The following FAM178B variants were observed in gnomAD, a reference collection of about 807,000 sequenced individuals.
FAM178B encodes family with sequence similarity 178 member B, also known as protein FAM178B.
FAM178B carries 82 observed loss-of-function variants against 91.7 expected under a neutral mutation model. The ratio of observed to expected loss-of-function variants is 0.89; its 90% CI spans 0.75 to 1.07. The LOEUF (loss-of-function observed/expected upper bound fraction) is 1.07, where lower values mean the gene tolerates loss of function less well. FAM178B is among the 50% of genes least tolerant of loss of function. The probability of loss-of-function intolerance (pLI) is 0.00; values close to 1 mark genes in which losing one functional copy is unlikely to be tolerated. For synonymous variants in FAM178B, 368 were observed against 359.4 expected (o/e 1.02, Z -0.27); for missense variants, 769 against 846.7 (o/e 0.91, Z 1.14).
At chr2:96,978,498 A>G (rs541739612) in intron 1 of FAM178B, among the ~76,000 whole-genome samples, 4 of 152,242 alleles carry the variant, frequency 2.6e-5, no homozygotes, top group African/African-American at 9.6e-5. Flanking sequence ...CTGTACATCC[A>G]AGTACACCCA....
intron 8 of FAM178B, among the ~76,000 whole-genome samples, chr2:96,931,855 T>TG (rs2081545305): frequency 6.6e-6 from 1 of 151,134 alleles, no homozygotes; most frequent in African/African-American, 2.4e-5. Flanking sequence ...CTTGTTTGTT[T>TG]GTTTTTTTTT....
chr2:96,927,568 TG>T, intron 9 of FAM178B, among the ~76,000 whole-genome samples: 1 of 152,300 alleles, frequency 6.6e-6, no homozygotes, highest in East Asian at 1.9e-4. Flanking sequence ...CTGGGAAAGC[TG>T]AAGTCTGCGT....
rs1199881970 is a variant in FAM178B, at chr2:96,986,364, ACGG to A, written c.-54_-52del. 1 of 1,524,706 alleles carries A rather than the reference ACGG, an allele frequency of 6.6e-7. No individual in the cohort carries two copies. The highest frequency in any genetic ancestry group is 2.5e-5 in the East Asian group (1 of 40,552). The allele number at this position is 1,524,706 out of a possible 1,614,324, so 94.4% of individuals were successfully genotyped here. A position where few individuals can be genotyped will look rare whatever the true frequency, so the allele number is the denominator to read the frequency against. ...GTGAGGGAGGGTGGCGGGAATTCGC[ACGG>A]CCTCAGAGGACGGGGCCAGCTAGCC... is the stretch of plus-strand genomic sequence containing the variant. On this transcript the variant is annotated 5_prime_UTR_variant, in exon 1 of 17. Transcript: ENST00000490605.
At chr2:96,891,394 G>A (rs2080675467) in intron 14 of FAM178B, among the ~76,000 whole-genome samples, 1 of 152,236 alleles carries the variant, frequency 6.6e-6, no homozygotes, top group Non-Finnish European at 1.5e-5. Context: ...ACGATGCAGA[G>A]GCTGGTCAGA....
chr2:96,972,436 T>C (rs1049133989), intron 2 of FAM178B, 102 bp downstream of exon 2: 1 of 1,493,618 alleles, frequency 6.7e-7, no homozygotes, highest in African/African-American at 1.4e-5. Flanking sequence ...TTGGGGTTGC[T>C]GTGGGAAGGA....
Position 96,960,271 on chromosome 2 carries a change from C to T in FAM178B, c.887+17G>A. 6.4e-7 allele frequency: 1 copy of T among 1,551,370 alleles called. No homozygotes were observed. The highest frequency in any genetic ancestry group is 1.2e-5 in the South Asian group (1 of 84,032). ...GACAGGCTGCGCCACCCCCTCACCC[C>T]TCCTCCCCACACTTACCTGAGGAAC... On this transcript the variant is annotated intron_variant, in intron 6 of 16. Transcript: ENST00000490605.
At chr2:96,929,416 G>A in intron 8 of FAM178B, 96 bp from the exon 9 acceptor site, 1 of 874,008 alleles carries the variant, frequency 1.1e-6, no homozygotes, top group Non-Finnish European at 1.8e-6. Context: ...CCTGGCCCAA[G>A]ATAACCAGTT....
In FAM178B at chr2:96,947,805, TC is replaced by T. The variant is rs1341484414; in HGVS notation, c.1078+12del. ...TCAGTGCGCCAATCTCCACCCTGCA[TC>T]CCAGTACTGACCAGGCTGAAGGAAG... On this transcript the variant is annotated intron_variant, in intron 8 of 16. Coordinates refer to ENST00000490605, the MANE Select transcript of FAM178B (RefSeq NM_001122646.3). 1.3e-6 allele frequency: 2 copies of T among 1,490,518 alleles called. No homozygotes were observed. The highest frequency in any genetic ancestry group is 2.5e-5 in the East Asian group (1 of 40,618). The allele number at this position is 1,490,518 out of a possible 1,614,324, so 92.3% of individuals were successfully genotyped here. A position where few individuals can be genotyped will look rare whatever the true frequency, so the allele number is the denominator to read the frequency against.
chr2:96,906,009 T>TC (rs1280429743), intron 12 of FAM178B, among the ~76,000 whole-genome samples: 6 of 147,686 alleles, frequency 4.1e-5, no homozygotes, highest in African/African-American at 5.0e-5. Flanking sequence ...GTAGCTGGGA[T>TC]TCAGGCATGT....
chr2:96,976,348 C>A (rs973071850), intron 1 of FAM178B, among the ~76,000 whole-genome samples: 1 of 151,872 alleles, frequency 6.6e-6, no homozygotes, highest in Non-Finnish European at 1.5e-5. Flanking sequence ...CTGCCTTGGC[C>A]TCCCAAAGTG....
chr2:96,933,280 G>A (rs1472320931), intron 8 of FAM178B, among the ~76,000 whole-genome samples: 1 of 152,086 alleles, frequency 6.6e-6, no homozygotes, highest in Non-Finnish European at 1.5e-5. Context: ...AAATTTGCCA[G>A]CATGAACAGC....
At chr2:96,954,860 G>A (rs1404565150) in intron 6 of FAM178B, among the ~76,000 whole-genome samples, 1 of 152,112 alleles carries the variant, frequency 6.6e-6, no homozygotes, top group African/African-American at 2.4e-5. Flanking sequence ...GACCAGCCTA[G>A]GCAACACAGT....
At chr2:96,924,217 C>T (rs181067194) in intron 9 of FAM178B, among the ~76,000 whole-genome samples, 2 of 152,200 alleles carry the variant, frequency 1.3e-5, no homozygotes, top group African/African-American at 4.8e-5. Flanking sequence ...TCCAATCCCC[C>T]CAAAGTCCGT....
intron 6 of FAM178B, among the ~76,000 whole-genome samples, chr2:96,955,808 C>T (rs1403319753): frequency 6.6e-6 from 1 of 152,230 alleles, no homozygotes; most frequent in Non-Finnish European, 1.5e-5. Context: ...GAAGGCTCAG[C>T]CCTCTCCATA....
At chr2:96,899,144 A>G (rs2080877763) in intron 13 of FAM178B, among the ~76,000 whole-genome samples, 1 of 152,238 alleles carries the variant, frequency 6.6e-6, no homozygotes, top group South Asian at 2.1e-4. Flanking sequence ...CAGGAAGGCC[A>G]TGGGCAGGCC....
chr2:96,970,616 G>C, intron 4 of FAM178B, 100 bp downstream of exon 4: 1 of 908,466 alleles, frequency 1.1e-6, no homozygotes, highest in Non-Finnish European at 1.8e-6. Flanking sequence ...AGTCTGGGTG[G>C]GAGGCCGCTG....
chr2:96,899,851 CT>C (rs78433909), intron 13 of FAM178B, among the ~76,000 whole-genome samples: 24,183 of 112,594 alleles, frequency 0.21, 3,089 homozygotes, highest in South Asian at 0.5. Flanking sequence ...ATTCCCCACT[CT>C]TTTTTTTTTT....
intron 8 of FAM178B, among the ~76,000 whole-genome samples, chr2:96,937,824 G>A (rs1559084522): frequency 6.6e-6 from 1 of 152,114 alleles, no homozygotes; most frequent in African/African-American, 2.4e-5. Flanking sequence ...CCAGGTGTTC[G>A]AGACCAGCCT....
chr2:96,904,716 G>A (rs1366702117), intron 12 of FAM178B, among the ~76,000 whole-genome samples: 3 of 151,884 alleles, frequency 2.0e-5, no homozygotes, highest in Admixed American at 1.3e-4. Context: ...TTTATATGAG[G>A]TACAAACATG....
Sources: gnomAD v4.1 joint callset for allele counts (sites outside exome capture counted in the v4.1 genomes callset) on GRCh38, gnomAD v4.1.1 for gene constraint, MANE v1.5 for transcripts, NCBI Gene and HGNC (gene_info 2026-07-23, HGNC 2026-07-21) for gene names.